The following ZNF607 variants were observed in gnomAD, a reference collection of about 807,000 sequenced individuals.
ZNF607 encodes the protein zinc finger protein 607.
ZNF607 carries 5 observed loss-of-function variants against 12.8 expected under a neutral mutation model. The ratio of observed to expected loss-of-function variants is 0.39; its 90% confidence interval spans 0.20 to 0.82. ZNF607 has a LOEUF of 0.82. ZNF607 is among the 40% of genes least tolerant of loss of function. The pLI, the probability that ZNF607 is intolerant of heterozygous loss-of-function variation, is 0.39. For missense variants in ZNF607, 851 were observed against 859.2 expected (o/e 0.99, Z 0.12); for synonymous variants, 287 against 276.2 (o/e 1.04, Z -0.39).
chr19:37,706,129 G>T (rs574219487), intron 4 of ZNF607, among the ~76,000 whole-genome samples: 1 of 152,238 alleles, frequency 6.6e-6, no homozygotes, highest in Admixed American at 6.5e-5. Context: ...AGGAGGTGGA[G>T]GTTGCAGTGA....
Position 37,696,681 on chromosome 19 carries a change from T to A in ZNF607, c.*1359A>T. The A allele has an allele frequency of 1.4e-6, 1 of 722,788 alleles. No homozygotes were observed. The highest frequency in any genetic ancestry group is 1.5e-5 in the South Asian group (1 of 67,522). The allele number at this position is 722,788 out of a possible 1,614,324, so 44.8% of individuals were successfully genotyped here. A position where few individuals can be genotyped will look rare whatever the true frequency, so the allele number is the denominator to read the frequency against. ...GCAGGCAGGTGATGTTCCGAGAGCATGAGAGCTGGTATGCAATGTCTTCTG... is the reference window on the plus strand; with the variant it reads ...GCAGGCAGGTGATGTTCCGAGAGCAAGAGAGCTGGTATGCAATGTCTTCTG... On this transcript the variant is annotated 3_prime_UTR_variant, in exon 5 of 5. Coordinates refer to ENST00000355202, the MANE Select transcript of ZNF607 (RefSeq NM_032689.5).
Position 37,709,757 on chromosome 19 carries a change from C to T in ZNF607, c.75G>A (p.Leu25=), listed in dbSNP as rs2045115976. The part of the protein sequence containing the change: ...FSHQEWEYLS[L]VQKTLYQEVM... ...CCTCCTGGTACAAGGTCTTCTGAAC[C>T]AGGCTGAGATATTCCCACTCCTGAT... Residue 25 remains leucine (L), a synonymous_variant, in exon 3 of 5, where the codon CTG becomes CTA. Transcript: ENST00000355202. 6.2e-7 allele frequency: 1 copy of T among 1,614,008 alleles called. No homozygotes were observed. Among genetic ancestry groups the T allele is most frequent in the African/African-American group, 1.3e-5 (1 of 74,922 alleles).
rs1451112211 is a variant in ZNF607, at chr19:37,696,982, T to C, written c.*1058A>G. The stretch of plus-strand genomic sequence containing the variant: ...TGGCTGGAGACCAGCTCCCTCTGGG[T>C]GATTAGTTCTCCAGCATCAAAGCGA... On this transcript the variant is annotated 3_prime_UTR_variant, in exon 5 of 5. Transcript: ENST00000355202. The C allele has an allele frequency of 2.8e-6, 2 of 702,934 alleles. No individual in the cohort carries two copies. The highest frequency in any genetic ancestry group is 3.5e-5 in the African/African-American group (2 of 57,088). 43.5% of individuals were successfully genotyped at this position (702,934 alleles called of 1,614,324 possible).
Position 37,697,763 on chromosome 19 carries a change from G to T in ZNF607, c.*277C>A. The T allele has an allele frequency of 3.1e-6, 1 of 327,650 alleles. No individual in the cohort carries two copies. Among genetic ancestry groups the T allele is most frequent in the Non-Finnish European group, 5.5e-6 (1 of 180,252 alleles). The allele number at this position is 327,650 out of a possible 1,614,324, so 20.3% of individuals were successfully genotyped here. A position where few individuals can be genotyped will look rare whatever the true frequency, so the allele number is the denominator to read the frequency against. ...GTTTTCCTCTACTGTGAATATTTTG[G>T]CAATCCAAAACTAGAGGAATATCAG... is the stretch of plus-strand genomic sequence containing the variant. On this transcript the variant is annotated 3_prime_UTR_variant, in exon 5 of 5. Transcript: ENST00000355202.
At chr19:37,702,287 C>CAAAAAAAAAAAAAA (rs10714690) in intron 4 of ZNF607, among the ~76,000 whole-genome samples, 35 of 73,564 alleles carry the variant, frequency 4.8e-4, no homozygotes, top group South Asian at 5.3e-4. Flanking sequence ...AACTCCATCT[C>CAAAAAAAAAAAAAA]AAAAAAAAAA....
intron 1 of ZNF607, among the ~76,000 whole-genome samples, chr19:37,712,582 G>T (rs540841326): frequency 1.0e-3 from 159 of 152,282 alleles, no homozygotes; most frequent in African/African-American, 3.4e-3. Context: ...CTGAATACAT[G>T]AAACAACTAA....
Position 37,698,693 on chromosome 19 carries a change from GACAT to G in ZNF607, c.1434_1437del (p.Cys479LysfsTer45). 1.9e-6 allele frequency: 3 copies of G among 1,611,982 alleles called. No individual in the cohort carries two copies. Among genetic ancestry groups the G allele is most frequent in the Non-Finnish European group, 2.5e-6 (3 of 1,179,106 alleles). Reference sequence around the variant, plus strand: ...TAACTAAAACCCTTCCCACACTCTTGACATACATAGGGTTTCTCTCCTGTATGAA... The same window carrying G: ...TAACTAAAACCCTTCCCACACTCTTGACATAGGGTTTCTCTCCTGTATGAA... On this transcript the variant is annotated frameshift_variant, in exon 5 of 5. Coordinates refer to ENST00000355202, the MANE Select transcript of ZNF607 (RefSeq NM_032689.5). LOFTEE classifies it low-confidence loss of function (END_TRUNC).
At position 37,698,171 on chromosome 19, in the gene ZNF607, A is replaced by G; in HGVS notation, c.1960T>C (p.Phe654Leu). 6.2e-7 allele frequency: 1 copy of G among 1,614,114 alleles called. No homozygotes were observed. Reference sequence around the variant, plus strand: ...ATACTAAGTTCATGGCTACTATTAAAAGCTTTCCCACACTCTTCACACATA... The same window carrying G: ...ATACTAAGTTCATGGCTACTATTAAGAGCTTTCCCACACTCTTCACACATA... ...PYMCEECGKAFNSSHELSIHH... is the reference protein window; with the variant it reads ...PYMCEECGKALNSSHELSIHH... The change falls in exon 5 of 5, where the codon TTT (phenylalanine) becomes CTT (leucine). Residue 654 changes from phenylalanine (F) to leucine (L), a missense_variant. Physicochemically the swap from Phe to Leu is conservative, Grantham distance 22 (BLOSUM62 0). Coordinates refer to ENST00000355202, the MANE Select transcript of ZNF607 (RefSeq NM_032689.5).
In ZNF607 at chr19:37,718,498, A is replaced by G. The variant is rs139886877; in HGVS notation, c.-75+771T>C. Among the ~76,000 whole-genome samples the G allele has an allele frequency of 3.6e-3, 547 of 152,176 alleles. 3 individuals carry two copies. The highest frequency in any genetic ancestry group is 0.012 in the African/African-American group (507 of 41,510). ...CAAGGCCGTGTTTGTTAAACATGTA[A>G]ATGAAACTCCAAGAACCGGGAGGTG... On this transcript the variant is annotated intron_variant, in intron 1 of 4. Coordinates refer to ENST00000355202, the MANE Select transcript of ZNF607 (RefSeq NM_032689.5).
At chr19:37,706,098 G>T (rs953681708) in intron 4 of ZNF607, among the ~76,000 whole-genome samples, 3 of 152,050 alleles carry the variant, frequency 2.0e-5, no homozygotes, top group Non-Finnish European at 4.4e-5. Flanking sequence ...AGAGGCGGAG[G>T]CAGGAGAATT....
intron 3 of ZNF607, among the ~76,000 whole-genome samples, 185 bp from the exon 4 acceptor site, chr19:37,708,197 A>ATT (rs879454311): frequency 7.8e-5 from 11 of 141,224 alleles, no homozygotes; most frequent in East Asian, 2.1e-4. Context: ...TTCAAAAAAA[A>ATT]TTTTTTTTTT....
At chr19:37,713,488 T>G (rs1478694343) in intron 1 of ZNF607, among the ~76,000 whole-genome samples, 1 of 151,334 alleles carries the variant, frequency 6.6e-6, no homozygotes, top group Non-Finnish European at 1.5e-5. Flanking sequence ...CAGGCTGGAG[T>G]GCAGTGGCAT....
chr19:37,715,308 TA>T (rs934075858), intron 1 of ZNF607, among the ~76,000 whole-genome samples: 9 of 145,926 alleles, frequency 6.2e-5, no homozygotes, highest in South Asian at 2.2e-4. Flanking sequence ...AAGTCTTCTT[TA>T]AAAAAAAAAA....
intron 1 of ZNF607, among the ~76,000 whole-genome samples, chr19:37,712,538 T>C (rs939927247): frequency 6.6e-6 from 1 of 152,142 alleles, no homozygotes; most frequent in Admixed American, 6.5e-5. Flanking sequence ...CTTATAGTCA[T>C]AGTGCTTATA....
At position 37,699,840 on chromosome 19, in the gene ZNF607, T is replaced by C. The variant is rs757715136; in HGVS notation, c.291A>G (p.Lys97=). Residue 97 remains lysine (K), a synonymous_variant, in exon 5 of 5, where the codon AAA becomes AAG. Transcript: ENST00000355202. ...TCTGATGGAGAGTAACACATGAGTGTTTCCTATAAAGCTGCATTTTCCCAT... is the reference window on the plus strand; with the variant it reads ...TCTGATGGAGAGTAACACATGAGTGCTTCCTATAAAGCTGCATTTTCCCAT... ...ISDGKMQLYR[K]HSCVTLHQRI... 2 of 1,612,094 alleles carry C rather than the reference T, an allele frequency of 1.2e-6. No homozygotes were observed. The highest frequency in any genetic ancestry group is 2.2e-5 in the South Asian group (2 of 90,418).
At chr19:37,701,490 A>G (rs1000513324) in intron 4 of ZNF607, among the ~76,000 whole-genome samples, 1 of 152,102 alleles carries the variant, frequency 6.6e-6, no homozygotes. Context: ...AGCCAATCAG[A>G]ATTAGTTTAG....
chr19:37,703,865 G>C (rs1242840004), intron 4 of ZNF607, among the ~76,000 whole-genome samples: 1 of 152,188 alleles, frequency 6.6e-6, no homozygotes, highest in Non-Finnish European at 1.5e-5. Context: ...GGCCAGGCGT[G>C]GTGGCTCACA....
rs1198607400 is a variant in ZNF607, at chr19:37,696,857, CCTGT to C, written c.*1179_*1182del. Reference sequence around the variant, plus strand: ...GCGCTCTCTGCTTCCTGGGGGGCCACCTGTCTGTTAACTCCTTCAAGAAGGTCAG... The same window carrying C: ...GCGCTCTCTGCTTCCTGGGGGGCCACCTGTTAACTCCTTCAAGAAGGTCAG... On this transcript the variant is annotated 3_prime_UTR_variant, in exon 5 of 5. Transcript: ENST00000355202. 3.8e-5 allele frequency: 30 copies of C among 786,358 alleles called. No individual in the cohort carries two copies. The East Asian group carries it at 5.2e-4, about 14-fold the overall frequency. The allele number at this position is 786,358 out of a possible 1,614,324, so 48.7% of individuals were successfully genotyped here. A position where few individuals can be genotyped will look rare whatever the true frequency, so the allele number is the denominator to read the frequency against.
intron 1 of ZNF607, among the ~76,000 whole-genome samples, chr19:37,714,497 G>A (rs554199718): frequency 3.6e-4 from 54 of 150,144 alleles, no homozygotes; most frequent in Admixed American, 1.5e-3. Flanking sequence ...CCAGGAGACC[G>A]AGGTTGCAGT....
Sources: gnomAD v4.1 joint callset for allele counts (sites outside exome capture counted in the v4.1 genomes callset) on GRCh38, gnomAD v4.1.1 for gene constraint, MANE v1.5 for transcripts, NCBI Gene and HGNC (gene_info 2026-07-23, HGNC 2026-07-21) for gene names.